Variants in SORCS3 observed in about 807,000 individuals in gnomAD.
SORCS3 encodes the protein sortilin related VPS10 domain containing receptor 3.
Under a neutral mutation model 146.3 loss-of-function variants are expected in SORCS3, and 57 were observed. The observed-to-expected ratio is 0.39, with a 90% CI of 0.31 to 0.49. The LOEUF (loss-of-function observed/expected upper bound fraction) is 0.49, where lower values mean the gene tolerates loss of function less well. Ranked by LOEUF, SORCS3 falls within the 20% of genes least tolerant of loss-of-function variation. SORCS3 has a pLI of 0.92. For missense variants in SORCS3, 1,341 were observed against 1,575.5 expected (o/e 0.85, Z 2.52); for synonymous variants, 653 against 618.5 (o/e 1.06, Z -0.83).
chr10:105,017,530 G>A (rs919368121), intron 4 of SORCS3, among the ~76,000 whole-genome samples: 1 of 152,180 alleles, frequency 6.6e-6, no homozygotes, highest in Admixed American at 6.5e-5. Context: ...CTAAAAAAAT[G>A]GGGAGGCACT....
chr10:105,211,410 A>G (rs2056633018), intron 17 of SORCS3, among the ~76,000 whole-genome samples, 160 bp downstream of exon 17: 1 of 152,216 alleles, frequency 6.6e-6, no homozygotes. Context: ...AGCTGAGAGT[A>G]TCTATTTGGG....
chr10:104,721,589 T>A (rs2016550173), intron 1 of SORCS3, among the ~76,000 whole-genome samples: 1 of 152,186 alleles, frequency 6.6e-6, no homozygotes, highest in African/African-American at 2.4e-5. Flanking sequence ...TTTCACGATA[T>A]TGATTCTTCC....
At chr10:104,859,502 G>T (rs537067723) in intron 2 of SORCS3, among the ~76,000 whole-genome samples, 6 of 152,170 alleles carry the variant, frequency 3.9e-5, no homozygotes, top group Admixed American at 1.3e-4. Flanking sequence ...CAGGACATAG[G>T]CATGGGCAAG....
At chr10:104,707,813 A>G (rs1004065100) in intron 1 of SORCS3, among the ~76,000 whole-genome samples, 1 of 152,022 alleles carries the variant, frequency 6.6e-6, no homozygotes, top group African/African-American at 2.4e-5. Context: ...CCCTTCCCCC[A>G]TCCCCAGCCC....
chr10:105,018,740 A>G (rs900552416), intron 4 of SORCS3, among the ~76,000 whole-genome samples: 3 of 152,236 alleles, frequency 2.0e-5, no homozygotes, highest in Non-Finnish European at 1.5e-5. Flanking sequence ...CCATAGATAT[A>G]GTTGCTCCTT....
chr10:104,732,940 T>A (rs1189473231), intron 1 of SORCS3, among the ~76,000 whole-genome samples: 1 of 152,110 alleles, frequency 6.6e-6, no homozygotes, highest in Non-Finnish European at 1.5e-5. Context: ...ATTCATGGTC[T>A]CTGGTATCTG....
At chr10:105,128,321 A>G (rs1014977305) in intron 7 of SORCS3, among the ~76,000 whole-genome samples, 2 of 152,218 alleles carry the variant, frequency 1.3e-5, no homozygotes, top group East Asian at 1.9e-4. Flanking sequence ...AGCTTGACAG[A>G]TGGCTTAAAT....
At chr10:104,861,039 A>G (rs562383584) in intron 2 of SORCS3, among the ~76,000 whole-genome samples, 2 of 152,228 alleles carry the variant, frequency 1.3e-5, no homozygotes, top group African/African-American at 4.8e-5. Context: ...TTCCAAATGC[A>G]CTGCCTGTTC....
chr10:104,991,779 G>A (rs967063551), intron 4 of SORCS3, among the ~76,000 whole-genome samples: 7 of 152,110 alleles, frequency 4.6e-5, no homozygotes, highest in South Asian at 2.1e-4. Context: ...GATTATAGGC[G>A]TGAGCCACTG....
intron 1 of SORCS3, among the ~76,000 whole-genome samples, chr10:104,752,864 G>A (rs2017004882): frequency 6.6e-6 from 1 of 152,112 alleles, no homozygotes; most frequent in Non-Finnish European, 1.5e-5. Context: ...AATGCCTGTA[G>A]ACAGATTTTT....
chr10:104,974,143 G>C (rs1460957815), intron 3 of SORCS3, among the ~76,000 whole-genome samples: 2 of 152,100 alleles, frequency 1.3e-5, no homozygotes, highest in African/African-American at 2.4e-5. Context: ...GAATAGGTGT[G>C]GTGTGGTGCT....
intron 1 of SORCS3, among the ~76,000 whole-genome samples, chr10:104,825,583 G>A (rs535049551): frequency 1.8e-4 from 28 of 152,270 alleles, no homozygotes; most frequent in African/African-American, 6.7e-4. Flanking sequence ...TTTGATGGTG[G>A]TTGGATGGAT....
At chr10:104,691,131 A>T (rs184865072) in intron 1 of SORCS3, among the ~76,000 whole-genome samples, 22 of 152,304 alleles carry the variant, frequency 1.4e-4, no homozygotes, top group Admixed American at 4.6e-4. Context: ...GAAGGATTCC[A>T]TGGTAACAAG....
chr10:104,700,527 T>C (rs1416501481), intron 1 of SORCS3, among the ~76,000 whole-genome samples: 1 of 152,214 alleles, frequency 6.6e-6, no homozygotes, highest in Non-Finnish European at 1.5e-5. Flanking sequence ...ACTTGGATCA[T>C]GTGTCTACCC....
intron 2 of SORCS3, among the ~76,000 whole-genome samples, chr10:104,877,381 T>G (rs2018587002): frequency 6.6e-6 from 1 of 152,164 alleles, no homozygotes; most frequent in Non-Finnish European, 1.5e-5. Context: ...TTTAAAAAAT[T>G]TATTTACCCC....
chr10:104,899,938 G>A (rs2018833909), intron 2 of SORCS3, among the ~76,000 whole-genome samples: 1 of 152,042 alleles, frequency 6.6e-6, no homozygotes, highest in East Asian at 1.9e-4. Context: ...GGGCACAAAA[G>A]CCCAGCCCTC....
chr10:104,936,629 G>A (rs568609656), intron 3 of SORCS3, among the ~76,000 whole-genome samples: 6 of 152,262 alleles, frequency 3.9e-5, no homozygotes, highest in East Asian at 1.9e-4. Flanking sequence ...TTTATGTGTC[G>A]GGATGTTAGG....
intron 16 of SORCS3, among the ~76,000 whole-genome samples, chr10:105,207,943 A>G (rs7900080): frequency 0.32 from 48,981 of 151,866 alleles, 7,961 homozygotes; most frequent in South Asian, 0.44. Context: ...CCTAGGGTTA[A>G]TGGGACATTC....
chr10:105,027,004 C>A (rs868546185), intron 4 of SORCS3, among the ~76,000 whole-genome samples: 1 of 152,138 alleles, frequency 6.6e-6, no homozygotes, highest in East Asian at 1.9e-4. Context: ...CAAACAGAAA[C>A]GCCAAGACCC....
Sources: allele counts gnomAD v4.1 joint callset (sites outside exome capture counted in the v4.1 genomes callset), GRCh38; gene constraint gnomAD v4.1.1; transcripts MANE v1.5; gene names NCBI Gene and HGNC (gene_info 2026-07-23, HGNC 2026-07-21).